RGS17: variants seen among roughly 807,000 people sequenced by gnomAD.
RGS17 encodes the protein regulator of G-protein signaling 17.
In RGS17, 12 loss-of-function variants were observed where a neutral mutation model predicts 25.5. The ratio of observed to expected loss-of-function variants is 0.47; its 90% CI spans 0.30 to 0.76. The LOEUF is 0.76. Ranked by LOEUF, RGS17 falls within the 30% of genes least tolerant of loss-of-function variation. RGS17 has a pLI of 0.07. For missense variants in RGS17, 196 were observed against 242.2 expected (o/e 0.81, Z 1.27); for synonymous variants, 71 against 76.9 (o/e 0.92, Z 0.40).
intron 4 of RGS17, among the ~76,000 whole-genome samples, chr6:153,012,323 C>G (rs2129105196): frequency 6.6e-6 from 1 of 152,274 alleles, no homozygotes; most frequent in East Asian, 1.9e-4. Context: ...ATCTACCTGG[C>G]AAGGACTAGC....
intron 2 of RGS17, among the ~76,000 whole-genome samples, chr6:153,034,815 G>A (rs1440489034): frequency 6.6e-6 from 1 of 152,136 alleles, no homozygotes; most frequent in African/African-American, 2.4e-5. Context: ...CCACTATTAC[G>A]ATGGAATTGG....
chr6:153,010,680 A>T lies in RGS17; in HGVS notation c.*894T>A, dbSNP rs771250092. On this transcript the variant is annotated 3_prime_UTR_variant, in exon 5 of 5. Transcript: ENST00000206262. ...AAACTAAGTTATCAAGCTTATTATT[A>T]TTTTTTTCTTGCTGAAGTACATAAC... The T allele has an allele frequency of 6.6e-6, 1 of 151,894 alleles. No individual in the cohort carries two copies. Among genetic ancestry groups the T allele is most frequent in the Non-Finnish European group, 1.5e-5 (1 of 67,862 alleles). The allele number at this position is 151,894 out of a possible 1,614,324, so 9.4% of individuals were successfully genotyped here.
intron 2 of RGS17, among the ~76,000 whole-genome samples, chr6:153,032,204 T>C (rs573854394): frequency 1.3e-5 from 2 of 152,314 alleles, no homozygotes; most frequent in South Asian, 4.1e-4. Flanking sequence ...GTTAAACCTA[T>C]GATTTGAACT....
intron 1 of RGS17, among the ~76,000 whole-genome samples, chr6:153,074,417 T>C (rs941352603): frequency 9.2e-5 from 14 of 152,148 alleles, no homozygotes; most frequent in African/African-American, 3.4e-4. Context: ...TCATTTAGTT[T>C]GGGTCTGCAT....
chr6:153,017,064 A>C (rs1291328072), intron 4 of RGS17, among the ~76,000 whole-genome samples: 1 of 152,210 alleles, frequency 6.6e-6, no homozygotes, highest in Non-Finnish European at 1.5e-5. Context: ...CTCTTATCTC[A>C]GGCCACAAAG....
chr6:153,027,410 T>C (rs746098656), intron 2 of RGS17, among the ~76,000 whole-genome samples: 1 of 151,972 alleles, frequency 6.6e-6, no homozygotes, highest in Non-Finnish European at 1.5e-5. Context: ...AGAAGCAGGG[T>C]AGGGAGAATA....
chr6:153,100,694 A>G (rs567058484), intron 1 of RGS17, among the ~76,000 whole-genome samples: 42 of 152,334 alleles, frequency 2.8e-4, no homozygotes, highest in Admixed American at 1.4e-3. Context: ...TCTCCATTTT[A>G]GAAGTCGTTA....
chr6:153,081,428 T>A (rs999396878), intron 1 of RGS17, among the ~76,000 whole-genome samples: 1 of 152,170 alleles, frequency 6.6e-6, no homozygotes, highest in Non-Finnish European at 1.5e-5. Context: ...TATATCTTTG[T>A]TTATCCTTTT....
chr6:153,081,208 T>C (rs1776974829), intron 1 of RGS17, among the ~76,000 whole-genome samples: 2 of 152,126 alleles, frequency 1.3e-5, no homozygotes, highest in South Asian at 4.1e-4. Context: ...AAATCTCCAA[T>C]TATTATTGTC....
chr6:153,015,786 G>T (rs576009390), intron 4 of RGS17, among the ~76,000 whole-genome samples: 62 of 151,652 alleles, frequency 4.1e-4, no homozygotes, highest in Middle Eastern at 3.4e-3. Context: ...CCTGAGTAGC[G>T]GGGACTACAG....
chr6:153,120,300 T>C (rs1291466278), intron 1 of RGS17, among the ~76,000 whole-genome samples: 1 of 152,214 alleles, frequency 6.6e-6, no homozygotes, highest in Non-Finnish European at 1.5e-5. Flanking sequence ...ACTCAACTTA[T>C]TTCCTCACTA....
At chr6:153,127,972 AT>A (rs1288094589) in intron 1 of RGS17, among the ~76,000 whole-genome samples, 2 of 152,212 alleles carry the variant, frequency 1.3e-5, no homozygotes, top group Admixed American at 6.5e-5. Context: ...AATAGCAGGA[AT>A]GATCGTCTAA....
At chr6:153,012,588 A>G (rs767228926) in intron 4 of RGS17, among the ~76,000 whole-genome samples, 3 of 152,208 alleles carry the variant, frequency 2.0e-5, no homozygotes, top group Non-Finnish European at 2.9e-5. Flanking sequence ...ATACTTGGCA[A>G]TAAGGGCATG....
chr6:153,042,667 C>T (rs1010134430), intron 2 of RGS17, among the ~76,000 whole-genome samples: 2 of 152,146 alleles, frequency 1.3e-5, no homozygotes, highest in Admixed American at 1.3e-4. Context: ...ATCTGGGAAG[C>T]AATATTGATA....
chr6:153,056,838 C>CTGTGTGTG (rs59058708), intron 1 of RGS17, among the ~76,000 whole-genome samples: 117 of 144,490 alleles, frequency 8.1e-4, no homozygotes, highest in African/African-American at 2.6e-3. Flanking sequence ...AGAGGAAGGG[C>CTGTGTGTG]TGTGTGTGTG....
chr6:153,014,388 G>C (rs1779161961), intron 4 of RGS17, among the ~76,000 whole-genome samples: 1 of 152,174 alleles, frequency 6.6e-6, no homozygotes, highest in South Asian at 2.1e-4. Context: ...GGTCATCCGA[G>C]AGCTTTGATG....
At chr6:153,095,013 A>C (rs1777189735) in intron 1 of RGS17, among the ~76,000 whole-genome samples, 1 of 152,190 alleles carries the variant, frequency 6.6e-6, no homozygotes, top group Admixed American at 6.5e-5. Flanking sequence ...AAATATTAAT[A>C]ATGATGCATA....
At chr6:153,054,650 CAAATAAATAAATAAATAAAT>C (rs55901939) in intron 1 of RGS17, among the ~76,000 whole-genome samples, 20 of 141,858 alleles carry the variant, frequency 1.4e-4, no homozygotes, top group South Asian at 2.3e-4. Context: ...GACTTCATCT[CAAATAAATAAATAAATAAAT>C]AAATAAATAA....
Position 153,007,081 on chromosome 6 carries a change from A to G in RGS17, c.*4493T>C, listed in dbSNP as rs1353347598. The stretch of plus-strand genomic sequence containing the variant: ...GTCAAAGTCTTGAACAGCCTCTTGA[A>G]TTCATCTGAAAAGATGTTACTTGGG... On this transcript the variant is annotated 3_prime_UTR_variant, in exon 5 of 5. Coordinates refer to ENST00000206262, the MANE Select transcript of RGS17 (RefSeq NM_012419.5). The G allele has an allele frequency of 2.0e-5, 3 of 152,192 alleles. No homozygotes were observed. The highest frequency in any genetic ancestry group is 4.4e-5 in the Non-Finnish European group (3 of 68,042). The allele number at this position is 152,192 out of a possible 1,614,324, so 9.4% of individuals were successfully genotyped here.
Sources: gnomAD v4.1 joint callset for allele counts (sites outside exome capture counted in the v4.1 genomes callset) on GRCh38, gnomAD v4.1.1 for gene constraint, MANE v1.5 for transcripts, NCBI Gene and HGNC (gene_info 2026-07-23, HGNC 2026-07-21) for gene names.